Variants in DPP9 observed in about 807,000 individuals in gnomAD.
The protein encoded by DPP9 is dipeptidyl peptidase 9.
DPP9 carries 50 observed loss-of-function variants against 110.7 expected under a neutral mutation model. The observed-to-expected ratio is 0.45, with a 90% CI of 0.36 to 0.57. DPP9 has a LOEUF of 0.57. Ranked by LOEUF, DPP9 falls within the 20% of genes least tolerant of loss-of-function variation. The probability of loss-of-function intolerance (pLI) is 0.00; values close to 1 mark genes in which losing one functional copy is unlikely to be tolerated. For missense variants in DPP9, 1,022 were observed against 1,217.9 expected, an observed-to-expected ratio of 0.84 and a Z score of 2.39; for synonymous variants, 561 against 514.4, an observed-to-expected ratio of 1.09 and a Z score of -1.23.
intron 1 of DPP9, chr19:4,722,801 C>T (rs535262872): frequency 6.8e-5 from 31 of 455,858 alleles, no homozygotes; most frequent in Non-Finnish European, 1.1e-4. Flanking sequence ...CGGTCCACAC[C>T]CCCTGGGCTT....
intron 16 of DPP9, 47 bp downstream of exon 16, chr19:4,688,710 A>G: frequency 2.9e-6 from 4 of 1,378,896 alleles, no homozygotes; most frequent in Non-Finnish European, 1.9e-6. Flanking sequence ...CCCGTTTTAC[A>G]GCCGGGCGGG....
In DPP9 at chr19:4,707,614, CTTTTTTTTTT is replaced by C. The variant is rs906371157; in HGVS notation, c.314-1654_314-1645del. On this transcript the variant is annotated intron_variant, in intron 4 of 21. Coordinates refer to ENST00000262960, the MANE Select transcript of DPP9 (RefSeq NM_139159.5). ...TCTTTTCAGGACCTCCTCATACTCG[CTTTTTTTTTT>C]TTTTTTTTTTTTTTTTTCTGAGACA... Among the ~76,000 whole-genome samples, 40 of 78,428 alleles carry C rather than the reference CTTTTTTTTTT, an allele frequency of 5.1e-4. 1 individual carries two copies. The highest frequency in any genetic ancestry group is 3.2e-3 in the South Asian group (7 of 2,176). The allele number at this position is 78,428 out of a possible 152,430, so 51.5% of individuals were successfully genotyped here. A position where few individuals can be genotyped will look rare whatever the true frequency, so the allele number is the denominator to read the frequency against.
At position 4,714,265 on chromosome 19, in the gene DPP9, T is replaced by C. The variant is rs2092971581; in HGVS notation, c.129A>G (p.Ala43=). The C allele has an allele frequency of 1.3e-6, 2 of 1,569,396 alleles. No homozygotes were observed. The highest frequency in any genetic ancestry group is 2.7e-5 in the African/African-American group (2 of 73,922). The change falls in exon 4 of 22, where the codon GCA becomes GCG. Residue 43 remains alanine, a synonymous_variant. Transcript: ENST00000262960. The stretch of plus-strand genomic sequence containing the variant: ...GGGCGGCCGGGTCATCTGTGGCGGC[T>C]GCGTCGCCTCGGTCGGCCGTTGGGG... The part of the protein sequence containing the change: ...TGTPTADRGD[A]AATDDPAARF...
chr19:4,723,275 G>A (rs2093403116), intron 1 of DPP9, among the ~76,000 whole-genome samples: 1 of 152,124 alleles, frequency 6.6e-6, no homozygotes, highest in Non-Finnish European at 1.5e-5. Flanking sequence ...ATGGGGAGAG[G>A]GAGGAGATCG....
In DPP9 at chr19:4,695,670, G is replaced by A. The variant is rs936998253; in HGVS notation, c.1176-115C>T. 4.4e-6 allele frequency: 4 copies of A among 918,526 alleles called. No individual in the cohort carries two copies. Among genetic ancestry groups the A allele is most frequent in the Admixed American group, 7.3e-5 (2 of 27,234 alleles). 56.9% of individuals were successfully genotyped at this position (918,526 alleles called of 1,614,324 possible). A position where few individuals can be genotyped will look rare whatever the true frequency, so the allele number is the denominator to read the frequency against. ...GTGTGGAATCAGGGCTGGGCTTCCT[G>A]CGCTGGCTTCACCTGCACTTGGCCA... On this transcript the variant is annotated intron_variant, in intron 11 of 21. Coordinates refer to ENST00000262960, the MANE Select transcript of DPP9 (RefSeq NM_139159.5). The surrounding 1 kb of genome is among the most constrained non-coding windows in gnomAD (Gnocchi z 4.7).
chr19:4,716,402 C>T (rs575765572), intron 3 of DPP9, among the ~76,000 whole-genome samples: 8 of 152,206 alleles, frequency 5.3e-5, no homozygotes, highest in Non-Finnish European at 1.0e-4. Flanking sequence ...CTTCGGGAGG[C>T]CAAGGCAGGA....
rs760332782 is a variant in DPP9, at chr19:4,694,778, C to T, written c.1399G>A (p.Glu467Lys). ...TCATTGGCGCGGAGAAAGCAGAGCT[C>T]GTCCTCTCCCTCTGATTGGGGGAAG... is the stretch of plus-strand genomic sequence containing the variant. Reference protein sequence around the residue: ...YPFPQSEGEDELCFLRANECK... With the variant: ...YPFPQSEGEDKLCFLRANECK... Residue 467 changes from glutamate to lysine, a missense_variant, in exon 13 of 22, where the codon GAG becomes AAG. Around this residue, in one of 3 missense-constraint regions of DPP9, gnomAD observed 810 missense variants for 920.6 expected, o/e 0.88. Coordinates refer to ENST00000262960, the MANE Select transcript of DPP9 (RefSeq NM_139159.5). This position sits in a 1 kb window ranked among gnomAD's most constrained non-coding sequence, Gnocchi z 4.0. The T allele has an allele frequency of 4.3e-6, 7 of 1,613,876 alleles. No homozygotes were observed. Among genetic ancestry groups the T allele is most frequent in the Admixed American group, 1.7e-5 (1 of 60,006 alleles).
At chr19:4,716,159 G>A (rs901541099) in intron 3 of DPP9, 2 of 152,274 alleles carry the variant, frequency 1.3e-5, no homozygotes, top group African/African-American at 4.8e-5. Context: ...GGGACTGGGT[G>A]TGAGAGAAGT....
In DPP9 at chr19:4,682,676, G is replaced by C. The variant is rs1255683628; in HGVS notation, c.2474+20C>G. On this transcript the variant is annotated intron_variant, in intron 20 of 21. Coordinates refer to ENST00000262960, the MANE Select transcript of DPP9 (RefSeq NM_139159.5). The surrounding 1 kb of genome is among the most constrained non-coding windows in gnomAD (Gnocchi z 7.1). ...AGGAGAAGCCCCGGGGAGGAGCGCA[G>C]GGCAGGGCAGTGGCCTTACTCATTG... 1 of 1,607,178 alleles carries C rather than the reference G, an allele frequency of 6.2e-7. No individual in the cohort carries two copies. The highest frequency in any genetic ancestry group is 2.2e-5 in the East Asian group (1 of 44,628).
rs1414873297 is a variant in DPP9 at position 4,686,936 on chromosome 19, G to A, written c.1886-1165C>T. On this transcript the variant is annotated intron_variant, in intron 16 of 21. Transcript: ENST00000262960. ...GCCACAGACCACAGAGGGACTGCAC[G>A]TGGCTGGATTTGGCAGCAGTTGGCC... Among the ~76,000 whole-genome samples the A allele has an allele frequency of 6.6e-5, 10 of 152,232 alleles. No homozygotes were observed. The East Asian group carries it at 7.7e-4, about 12-fold the overall frequency.
chr19:4,720,451 T>C (rs1201907804), intron 2 of DPP9, among the ~76,000 whole-genome samples: 3 of 152,232 alleles, frequency 2.0e-5, no homozygotes, highest in Non-Finnish European at 2.9e-5. Context: ...TGCTCTTTCT[T>C]GCCCTGTGGC....
At position 4,702,730 on chromosome 19, in the gene DPP9, C is replaced by T. The variant is rs369719068; in HGVS notation, c.770-14G>A. On this transcript the variant is annotated splice_polypyrimidine_tract_variant and intron_variant, in intron 7 of 21. Transcript: ENST00000262960. Reference sequence around the variant, plus strand: ...CATTGGATAAACCTAGGGGGAGGGACGGAGAGCATCAACAAGGGGTGAGCA... The same window carrying T: ...CATTGGATAAACCTAGGGGGAGGGATGGAGAGCATCAACAAGGGGTGAGCA... 1.0e-4 allele frequency: 153 copies of T among 1,512,864 alleles called. No homozygotes were observed. The African/African-American group carries it at 1.7e-3, about 17-fold the overall frequency. The allele number at this position is 1,512,864 out of a possible 1,614,324, so 93.7% of individuals were successfully genotyped here.
rs368983222 is a variant in DPP9, at chr19:4,714,322, G to C, written c.72C>G (p.Ser24=). The change falls in exon 4 of 22, where the codon TCC becomes TCG. Residue 24 remains serine (S), a synonymous_variant. Transcript: ENST00000262960. ...TGSWRSFSLN[S]EGAERMATTG... ...TGGTGGCCATCCTCTCAGCCCCCTC[G>C]GAATTCAGCGAGAAGCTGCGGGGAG... 1 of 1,506,598 alleles carries C rather than the reference G, an allele frequency of 6.6e-7. No homozygotes were observed. The highest frequency in any genetic ancestry group is 8.9e-7 in the Non-Finnish European group (1 of 1,129,734). The allele number at this position is 1,506,598 out of a possible 1,614,324, so 93.3% of individuals were successfully genotyped here.
At chr19:4,697,698 G>T in intron 10 of DPP9, 47 bp from the exon 11 acceptor site, 1 of 1,534,554 alleles carries the variant, frequency 6.5e-7, no homozygotes, top group Non-Finnish European at 9.0e-7. Flanking sequence ...CCTGCCCGGC[G>T]CTGCTCGGAG....
chr19:4,709,242 A>T (rs1599934218), intron 4 of DPP9, among the ~76,000 whole-genome samples: 1 of 150,906 alleles, frequency 6.6e-6, no homozygotes, highest in East Asian at 1.9e-4. Context: ...TTTTTTTTTT[A>T]AAGAAAGAAA....
At chr19:4,722,844 TG>T in intron 1 of DPP9, 1 of 351,538 alleles carries the variant, frequency 2.8e-6, no homozygotes, top group Non-Finnish European at 5.2e-6. Context: ...GGTTGGTTCT[TG>T]CCTGGGAGGC....
chr19:4,677,997 C>T (rs1182503642), intron 21 of DPP9, among the ~76,000 whole-genome samples: 1 of 152,234 alleles, frequency 6.6e-6, no homozygotes, highest in African/African-American at 2.4e-5. Context: ...CCACACAATG[C>T]CATGTTCCCA....
At position 4,684,897 on chromosome 19, in the gene DPP9, G is replaced by A. The variant is rs1172445594; in HGVS notation, c.2032-88C>T. The A allele has an allele frequency of 1.3e-6, 2 of 1,515,258 alleles. No homozygotes were observed. The highest frequency in any genetic ancestry group is 2.5e-5 in the East Asian group (1 of 40,772). The allele number at this position is 1,515,258 out of a possible 1,614,324, so 93.9% of individuals were successfully genotyped here. On this transcript the variant is annotated intron_variant, in intron 17 of 21. Transcript: ENST00000262960. The surrounding 1 kb of genome is among the most constrained non-coding windows in gnomAD (Gnocchi z 4.8). ...GAGATGCCGGTGGGCTGGGGACCGG[G>A]CCGGGCTGGGGCCTCAGAGCCTAAT...
rs1469655606 is a variant in DPP9 at position 4,704,097 on chromosome 19, G to A, written c.600+34C>T. The A allele has an allele frequency of 9.3e-6, 15 of 1,613,500 alleles. No individual in the cohort carries two copies. The highest frequency in any genetic ancestry group is 5.0e-5 in the Admixed American group (3 of 60,018). The stretch of plus-strand genomic sequence containing the variant: ...CAGCTCAGGGGGAGGGGCCCTCCAC[G>A]CCACCCCCGCACACAGCCAGGGCCA... On this transcript the variant is annotated intron_variant, in intron 6 of 21. Transcript: ENST00000262960. This position sits in a 1 kb window ranked among gnomAD's most constrained non-coding sequence, Gnocchi z 6.0.
Sources: gnomAD v4.1 joint callset for allele counts (sites outside exome capture counted in the v4.1 genomes callset) on GRCh38, gnomAD v4.1.1 for gene constraint, gnomAD v4.1.1 regional missense constraint, Gnocchi (gnomAD v3.1) non-coding constraint, MANE v1.5 for transcripts, NCBI Gene and HGNC (gene_info 2026-07-23, HGNC 2026-07-21) for gene names.